The following BRAF variants were observed in gnomAD, a reference collection of about 807,000 sequenced individuals.
BRAF encodes serine/threonine-protein kinase B-raf.
In BRAF, 16 loss-of-function variants were observed where a neutral mutation model predicts 104.6. The ratio of observed to expected loss-of-function variants is 0.15; its 90% CI spans 0.10 to 0.23. The LOEUF (loss-of-function observed/expected upper bound fraction) is 0.23, where lower values mean the gene tolerates loss of function less well. Among genes scored for constraint, BRAF ranks in the 10% least tolerant of loss-of-function variants. BRAF has a pLI of 1.00. For synonymous variants in BRAF, 310 were observed against 341.6 expected (o/e 0.91, Z 1.02); for missense variants, 541 against 937.3 (o/e 0.58, Z 5.52).
chr7:140,733,945 T>C, intron 19 of BRAF: 1 of 952,888 alleles, frequency 1.0e-6, no homozygotes, highest in Non-Finnish European at 1.3e-6. Context: ...AAATCCGAAG[T>C]TAAGACATTT....
chr7:140,897,294 G>A (rs1815041439), intron 1 of BRAF, among the ~76,000 whole-genome samples: 1 of 151,850 alleles, frequency 6.6e-6, no homozygotes, highest in South Asian at 2.1e-4. Context: ...GAAATGAGAG[G>A]TTGCTTTACA....
At chr7:140,753,887 C>T (rs1797989616) in intron 15 of BRAF, 1 of 449,388 alleles carries the variant, frequency 2.2e-6, no homozygotes. Context: ...CTGAAAGGGA[C>T]TAATAGATAG....
intron 18 of BRAF, among the ~76,000 whole-genome samples, chr7:140,738,566 A>G (rs147262839): frequency 3.1e-4 from 47 of 152,278 alleles, no homozygotes; most frequent in African/African-American, 1.1e-3. Flanking sequence ...CATTTATATT[A>G]TAATATCTAC....
chr7:140,833,175 T>C (rs1226749791), intron 3 of BRAF, among the ~76,000 whole-genome samples: 1 of 152,128 alleles, frequency 6.6e-6, no homozygotes, highest in Admixed American at 6.5e-5. Flanking sequence ...CGAGCCACTG[T>C]GCCCGGCCGG....
intron 1 of BRAF, among the ~76,000 whole-genome samples, chr7:140,874,554 C>G (rs1004041788): frequency 5.8e-5 from 8 of 139,108 alleles, no homozygotes; most frequent in South Asian, 4.8e-4. Flanking sequence ...AAAAAAAAGG[C>G]AAAGAAATAA....
At chr7:140,884,385 G>A (rs966303920) in intron 1 of BRAF, among the ~76,000 whole-genome samples, 1 of 146,552 alleles carries the variant, frequency 6.8e-6, no homozygotes, top group Admixed American at 6.9e-5. Context: ...CCCATTACAG[G>A]GACTCTGATT....
At chr7:140,799,486 G>C in intron 7 of BRAF, 1 of 232,226 alleles carries the variant, frequency 4.3e-6, no homozygotes, top group Non-Finnish European at 8.5e-6. Context: ...TTTACACATG[G>C]TAGTTCTTAA....
At chr7:140,849,727 G>A (rs780677982) in intron 2 of BRAF, among the ~76,000 whole-genome samples, 5 of 152,004 alleles carry the variant, frequency 3.3e-5, no homozygotes, top group Admixed American at 6.6e-5. Flanking sequence ...CAGGACAATC[G>A]TCTGAAGCTG....
At position 140,855,111 on chromosome 7, in the gene BRAF, G is replaced by A. The variant is rs529742119; in HGVS notation, c.139-4899C>T. ...GTTGGAATTTTAAAGAATGTGTTTG[G>A]GAGAGAAAGTCTTTCAGAATCTCCA... On this transcript the variant is annotated intron_variant, in intron 1 of 19. Transcript: ENST00000644969. Among the ~76,000 whole-genome samples the A allele has an allele frequency of 1.1e-4, 16 of 152,104 alleles. No individual in the cohort carries two copies. The South Asian group carries it at 1.5e-3, about 14-fold the overall frequency.
At chr7:140,782,064 C>G (rs1800931248) in intron 11 of BRAF, among the ~76,000 whole-genome samples, 1 of 152,106 alleles carries the variant, frequency 6.6e-6, no homozygotes, top group South Asian at 2.1e-4. Flanking sequence ...CTCCCCTCCC[C>G]CTACCCCATG....
intron 15 of BRAF, chr7:140,753,724 G>A (rs891045947): frequency 9.8e-6 from 3 of 304,842 alleles, no homozygotes; most frequent in Non-Finnish European, 1.9e-5. Flanking sequence ...ACTCCTGGGC[G>A]AGCAGTAAAG....
chr7:140,785,670 G>A (rs13242306), intron 10 of BRAF: 2 of 398,972 alleles, frequency 5.0e-6, no homozygotes, highest in Admixed American at 8.8e-5. Flanking sequence ...GTGAAAACAA[G>A]AAAGAAGAGC....
chr7:140,772,836 T>C (rs1194958519), intron 14 of BRAF, among the ~76,000 whole-genome samples: 1 of 152,174 alleles, frequency 6.6e-6, no homozygotes, highest in Admixed American at 6.5e-5. Context: ...TATTAAACCA[T>C]ATAGTGTTTA....
Position 140,834,767 on chromosome 7 carries a change from A to T in BRAF, c.346T>A (p.Ser116Thr). ...GTDFSVSSSA[S>T]MDTVTSSSSS... is the part of the protein sequence containing the mutation. ...GAAGAAGATGTAACGGTATCCATTG[A>T]TGCAGAGCTAGAAACAGAAAAATCA... Residue 116 changes from serine to threonine, a missense_variant, in exon 3 of 20, where the codon TCA becomes ACA. Transcript: ENST00000644969. The T allele has an allele frequency of 6.2e-7, 1 of 1,614,196 alleles. No homozygotes were observed. The highest frequency in any genetic ancestry group is 1.7e-5 in the Admixed American group (1 of 60,024).
At chr7:140,832,321 G>C (rs866187535) in intron 3 of BRAF, among the ~76,000 whole-genome samples, 2 of 152,190 alleles carry the variant, frequency 1.3e-5, no homozygotes, top group Admixed American at 6.5e-5. Context: ...TATTTTGATA[G>C]AGGAACTGTC....
chr7:140,839,698 C>T (rs1358319960), intron 2 of BRAF, among the ~76,000 whole-genome samples: 1 of 152,184 alleles, frequency 6.6e-6, no homozygotes, highest in Non-Finnish European at 1.5e-5. Flanking sequence ...CCACTACACT[C>T]CAACCTGAGT....
intron 9 of BRAF, among the ~76,000 whole-genome samples, chr7:140,786,439 AC>A (rs1801366365): frequency 6.6e-6 from 1 of 152,258 alleles, no homozygotes; most frequent in Non-Finnish European, 1.5e-5. Context: ...TAGGCAGAAG[AC>A]AACAGGGAAG....
rs1795376743 is a variant in BRAF at position 140,722,693 on chromosome 7, ATGAATGCC to A, written c.*3793_*3800del. 3 of 1,051,284 alleles carry A rather than the reference ATGAATGCC, an allele frequency of 2.9e-6. No homozygotes were observed. The highest frequency in any genetic ancestry group is 3.4e-6 in the Non-Finnish European group (3 of 870,544). 65.1% of individuals were successfully genotyped at this position (1,051,284 alleles called of 1,614,324 possible). A position where few individuals can be genotyped will look rare whatever the true frequency, so the allele number is the denominator to read the frequency against. On this transcript the variant is annotated 3_prime_UTR_variant, in exon 20 of 20. Coordinates refer to ENST00000644969, the MANE Select transcript of BRAF (RefSeq NM_001374258.1). ...ACCCTCTTAGCTGGGTGGTCTTTCTATGAATGCCTGTGCATGTGACAAAGCTGCAGCAA... is the reference window on the plus strand; with the variant it reads ...ACCCTCTTAGCTGGGTGGTCTTTCTATGTGCATGTGACAAAGCTGCAGCAA...
chr7:140,909,428 A>G (rs951536983), intron 1 of BRAF, among the ~76,000 whole-genome samples: 5 of 152,172 alleles, frequency 3.3e-5, no homozygotes, highest in Non-Finnish European at 4.4e-5. Flanking sequence ...CAAAAATAAA[A>G]ATAAAAAATA....
Sources: allele counts gnomAD v4.1 joint callset (sites outside exome capture counted in the v4.1 genomes callset), GRCh38; gene constraint gnomAD v4.1.1; transcripts MANE v1.5; gene names NCBI Gene and HGNC (gene_info 2026-07-23, HGNC 2026-07-21).